Variants in SCHIP1 observed in about 807,000 individuals in gnomAD.
SCHIP1 encodes schwannomin-interacting protein 1.
SCHIP1 carries 8 observed loss-of-function variants against 29.7 expected under a neutral mutation model. That is an observed-to-expected ratio of 0.27 (90% CI 0.16 to 0.49). The LOEUF is 0.49. SCHIP1 is among the 20% of genes least tolerant of loss of function. The pLI, the probability that SCHIP1 is intolerant of heterozygous loss-of-function variation, is 0.99. For synonymous variants in SCHIP1, 76 were observed against 94.9 expected, an observed-to-expected ratio of 0.80 and a Z score of 1.16; for missense variants, 193 against 294.6, an observed-to-expected ratio of 0.66 and a Z score of 2.52.
the SCHIP1 span, among the ~76,000 whole-genome samples, chr3:159,382,863 G>A: frequency 2.0e-5 from 3 of 152,090 alleles, no homozygotes; most frequent in Non-Finnish European, 4.4e-5. Flanking sequence ...GCCAGTGATG[G>A]TGAGCATTTT....
chr3:159,386,475 T>C, the SCHIP1 span, among the ~76,000 whole-genome samples: 17 of 152,160 alleles, frequency 1.1e-4, 1 homozygote, highest in Admixed American at 1.0e-3. Context: ...CTGCCCAAAG[T>C]AACTTACAGA....
the SCHIP1 span, among the ~76,000 whole-genome samples, chr3:159,444,200 G>T: frequency 6.6e-6 from 1 of 152,112 alleles, no homozygotes; most frequent in African/African-American, 2.4e-5. Flanking sequence ...CCCTCAGGGA[G>T]ACTGTGTGGG....
At chr3:159,415,610 C>G in the SCHIP1 span, among the ~76,000 whole-genome samples, 2 of 152,100 alleles carry the variant, frequency 1.3e-5, no homozygotes, top group Admixed American at 1.3e-4. Context: ...ATCCATGTTC[C>G]CACAAAAGAC....
At chr3:159,763,048 C>T in the SCHIP1 span, among the ~76,000 whole-genome samples, 1 of 152,168 alleles carries the variant, frequency 6.6e-6, no homozygotes. Context: ...ACCCTCCATT[C>T]CCCTTACACA....
chr3:159,892,391 C>T lies in SCHIP1; in HGVS notation c.683+201C>T. 5 of 616,860 alleles carry T rather than the reference C, an allele frequency of 8.1e-6. No homozygotes were observed. The South Asian group carries it at 1.0e-4, about 12-fold the overall frequency. The allele number at this position is 616,860 out of a possible 1,614,324, so 38.2% of individuals were successfully genotyped here. ...CAAATGCATGCTTTTTAGCAACCAT[C>T]CCCCCCTTGTGATGAATTGTCAGTG... On this transcript the variant is annotated intron_variant, in intron 6 of 6. Transcript: ENST00000445224.
At chr3:159,394,948 A>C in the SCHIP1 span, among the ~76,000 whole-genome samples, 1 of 151,582 alleles carries the variant, frequency 6.6e-6, no homozygotes, top group South Asian at 2.1e-4. Context: ...CTGGGCCTGG[A>C]CTCTTTTTGG....
the SCHIP1 span, among the ~76,000 whole-genome samples, chr3:159,614,660 T>C: frequency 6.6e-6 from 1 of 152,216 alleles, no homozygotes; most frequent in Non-Finnish European, 1.5e-5. Context: ...AAAGTGACCA[T>C]GTTCAGAAAG....
At chr3:159,802,641 G>T in the SCHIP1 span, among the ~76,000 whole-genome samples, 1 of 152,192 alleles carries the variant, frequency 6.6e-6, no homozygotes, top group South Asian at 2.1e-4. Context: ...GGGATTTTGG[G>T]AGTATGATGG....
At chr3:159,713,244 GA>G in the SCHIP1 span, among the ~76,000 whole-genome samples, 385 of 121,214 alleles carry the variant, frequency 3.2e-3, 3 homozygotes, top group African/African-American at 0.011. Context: ...AAGAAAGAAA[GA>G]AAGAAAGAAA....
chr3:159,301,424 G>A, the SCHIP1 span, among the ~76,000 whole-genome samples: 6 of 152,088 alleles, frequency 3.9e-5, no homozygotes, highest in African/African-American at 1.4e-4. Context: ...AACATGGTGA[G>A]CACTCTTCAA....
upstream of SCHIP1, among the ~76,000 whole-genome samples, chr3:159,838,628 C>A (rs373063772): frequency 2.0e-5 from 3 of 152,222 alleles, no homozygotes; most frequent in East Asian, 5.8e-4. Context: ...CGGTGGCTCA[C>A]GCCTATAATC....
chr3:159,445,738 A>C, the SCHIP1 span, among the ~76,000 whole-genome samples: 3 of 152,060 alleles, frequency 2.0e-5, no homozygotes, highest in African/African-American at 7.2e-5. Context: ...GACATGGATG[A>C]AATTGGAAAT....
the SCHIP1 span, among the ~76,000 whole-genome samples, chr3:159,360,573 C>G: frequency 6.6e-6 from 1 of 152,136 alleles, no homozygotes; most frequent in Non-Finnish European, 1.5e-5. Flanking sequence ...AGCTATGAAA[C>G]CTTACAAGCT....
chr3:159,511,274 A>G, the SCHIP1 span, among the ~76,000 whole-genome samples: 1 of 152,226 alleles, frequency 6.6e-6, no homozygotes, highest in Admixed American at 6.5e-5. Context: ...AGTCAAGTGC[A>G]GGATATAGTC....
At chr3:159,788,070 A>G in the SCHIP1 span, among the ~76,000 whole-genome samples, 3 of 152,202 alleles carry the variant, frequency 2.0e-5, no homozygotes, top group Non-Finnish European at 2.9e-5. Context: ...CCCGTCTTCA[A>G]TAGCATTACA....
the SCHIP1 span, among the ~76,000 whole-genome samples, chr3:159,615,518 T>G: frequency 6.6e-6 from 1 of 152,170 alleles, no homozygotes; most frequent in Non-Finnish European, 1.5e-5. Context: ...CTGGCACCTT[T>G]ATGGGATTTA....
At chr3:159,526,417 C>A in the SCHIP1 span, among the ~76,000 whole-genome samples, 2 of 152,146 alleles carry the variant, frequency 1.3e-5, no homozygotes, top group Non-Finnish European at 2.9e-5. Flanking sequence ...GATCCTCCCA[C>A]CTCAGCCTCC....
At chr3:159,607,632 G>A in the SCHIP1 span, among the ~76,000 whole-genome samples, 4 of 152,132 alleles carry the variant, frequency 2.6e-5, no homozygotes, top group African/African-American at 9.7e-5. Flanking sequence ...AGTTTTCAGA[G>A]GTTGTCAAGA....
At chr3:159,274,922 A>G in the SCHIP1 span, 1 of 914,500 alleles carries the variant, frequency 1.1e-6, no homozygotes, top group Admixed American at 6.2e-5. Context: ...TAGTAAATGC[A>G]ATTTACTCAG....
Sources: allele counts gnomAD v4.1 joint callset (sites outside exome capture counted in the v4.1 genomes callset), GRCh38; gene constraint gnomAD v4.1.1; transcripts MANE v1.5; gene names NCBI Gene and HGNC (gene_info 2026-07-23, HGNC 2026-07-21).